The following COL1A1 variants were observed in gnomAD, a reference collection of about 807,000 sequenced individuals.
The protein encoded by COL1A1 is collagen alpha-1(I) chain.
In COL1A1, 21 loss-of-function variants were observed where a neutral mutation model predicts 195.7. The observed-to-expected ratio is 0.11, with a 90% CI of 0.08 to 0.15. The LOEUF (loss-of-function observed/expected upper bound fraction) is 0.15. Ranked by LOEUF, COL1A1 falls within the 10% of genes least tolerant of loss-of-function variation. The pLI, the probability that COL1A1 is intolerant of heterozygous loss-of-function variation, is 1.00. For synonymous variants in COL1A1, 749 were observed against 747.3 expected (o/e 1.00, Z -0.04); for missense variants, 1,365 against 2,051.0 (o/e 0.67, Z 6.46).
chr17:50,197,149 A>G (rs780807961), intron 10 of COL1A1, 31 bp downstream of exon 10: 7 of 1,614,034 alleles, frequency 4.3e-6, no homozygotes, highest in South Asian at 2.2e-5. Flanking sequence ...AGTGCAGTGA[A>G]GCCCAGGTTC....
chr17:50,187,454 C>T (rs747165531), intron 46 of COL1A1, 30 bp downstream of exon 46: 4 of 1,613,202 alleles, frequency 2.5e-6, no homozygotes, highest in Admixed American at 1.7e-5. Context: ...GCTTGGGGCT[C>T]AGGAAGAGGA....
In COL1A1 at chr17:50,197,938, A is replaced by G. The variant is rs376087528; in HGVS notation, c.642+11T>C. Reference sequence around the variant, plus strand: ...GTAGAAGGAGTATGAATCTGTATAGAGAGTGCTTACTGAAGCTCCAGGCTC... The same window carrying G: ...GTAGAAGGAGTATGAATCTGTATAGGGAGTGCTTACTGAAGCTCCAGGCTC... On this transcript the variant is annotated intron_variant, in intron 8 of 50. Coordinates refer to ENST00000225964, the MANE Select transcript of COL1A1 (RefSeq NM_000088.4). 331 of 1,613,762 alleles carry G rather than the reference A, an allele frequency of 2.1e-4. 3 individuals are homozygous for G. In the African/African-American group the frequency reaches 3.9e-3, roughly 19 times the overall value.
Position 50,192,360 on chromosome 17 carries a change from C to A in COL1A1, c.1983+115G>T, listed in dbSNP as rs984210230. ...CTCCCTTCATGGGAGGAAGTTCTTT[C>A]CGGCGTCTAACCTCAATCCCTCTAG... On this transcript the variant is annotated intron_variant, in intron 29 of 50. Coordinates refer to ENST00000225964, the MANE Select transcript of COL1A1 (RefSeq NM_000088.4). 4.6e-4 allele frequency: 559 copies of A among 1,227,494 alleles called. 1 individual carries two copies. The highest frequency in any genetic ancestry group is 6.9e-5 in the Non-Finnish European group (59 of 854,732). The allele number at this position is 1,227,494 out of a possible 1,614,324, so 76.0% of individuals were successfully genotyped here.
intron 1 of COL1A1, 125 bp downstream of exon 1, chr17:50,201,286 T>C: frequency 1.1e-6 from 1 of 915,286 alleles, no homozygotes; most frequent in South Asian, 1.4e-5. Context: ...GGAAGAGCCC[T>C]CATCATCTCC....
Position 50,194,934 on chromosome 17 carries a change from G to T in COL1A1, c.1354-106C>A. The T allele has an allele frequency of 6.8e-7, 1 of 1,473,738 alleles. No homozygotes were observed. The highest frequency in any genetic ancestry group is 9.4e-7 in the Non-Finnish European group (1 of 1,060,232). 91.3% of individuals were successfully genotyped at this position (1,473,738 alleles called of 1,614,324 possible). On this transcript the variant is annotated intron_variant, in intron 20 of 50. Transcript: ENST00000225964. The surrounding 1 kb of genome is among the most constrained non-coding windows in gnomAD (Gnocchi z 6.8). ...TCCAGTGTCAGGGGTTCCTGGGGGTGTGGCAGGGACTCCCCCAGAAGACTA... is the reference window on the plus strand; with the variant it reads ...TCCAGTGTCAGGGGTTCCTGGGGGTTTGGCAGGGACTCCCCCAGAAGACTA...
Position 50,189,358 on chromosome 17 carries a change from G to A in COL1A1, c.2829+19C>T, listed in dbSNP as rs1037648846. 1.2e-6 allele frequency: 2 copies of A among 1,613,878 alleles called. No individual in the cohort carries two copies. Among genetic ancestry groups the A allele is most frequent in the Middle Eastern group, 1.6e-4 (1 of 6,062 alleles). ...CTCTGCACACCTCCGGAGCTGCAGA[G>A]ATCTGAGCTGGCACTTACAGCAGGA... On this transcript the variant is annotated intron_variant, in intron 39 of 50. Coordinates refer to ENST00000225964, the MANE Select transcript of COL1A1 (RefSeq NM_000088.4). This position sits in a 1 kb window ranked among gnomAD's most constrained non-coding sequence, Gnocchi z 5.5.
Position 50,195,256 on chromosome 17 carries a change from G to A in COL1A1, c.1275C>T (p.Gly425=). The change falls in exon 19 of 51, where the codon GGC becomes GGT. Residue 425 remains glycine (G), a synonymous_variant. Transcript: ENST00000225964. This position sits in a 1 kb window ranked among gnomAD's most constrained non-coding sequence, Gnocchi z 4.3. Reference sequence around the variant, plus strand: ...CGCTGTTACCCTTGGGACCAGGAGGGCCGCCGGGGCCCTGGGGTCCAGAGG... The same window carrying A: ...CGCTGTTACCCTTGGGACCAGGAGGACCGCCGGGGCCCTGGGGTCCAGAGG... ...RGPSGPQGPG[G]PPGPKGNSGE... is the part of the protein sequence containing the mutation. 1.9e-6 allele frequency: 3 copies of A among 1,613,232 alleles called. No individual in the cohort carries two copies. Among genetic ancestry groups the A allele is most frequent in the Non-Finnish European group, 1.7e-6 (2 of 1,179,574 alleles).
intron 8 of COL1A1, 38 bp downstream of exon 8, chr17:50,197,911 T>C: frequency 6.2e-7 from 1 of 1,609,146 alleles, no homozygotes; most frequent in Non-Finnish European, 8.5e-7. Flanking sequence ...GTCTGTGTGT[T>C]TGTAGAAGGA....
In COL1A1 at chr17:50,189,260, G is replaced by A. The variant is rs1434279534; in HGVS notation, c.2845C>T (p.Pro949Ser). 4.3e-6 allele frequency: 7 copies of A among 1,614,016 alleles called. No homozygotes were observed. The highest frequency in any genetic ancestry group is 5.9e-6 in the Non-Finnish European group (7 of 1,179,986). Residue 949 changes from proline to serine, a missense_variant, in exon 40 of 51, where the codon CCC (proline) becomes TCC (serine). Pro to Ser is a moderately conservative substitution (Grantham distance 74, BLOSUM62 -1). This residue lies in a region of COL1A1 where 671 missense variants were observed against 1,099.9 expected (regional missense o/e 0.61). Coordinates refer to ENST00000225964, the MANE Select transcript of COL1A1 (RefSeq NM_000088.4). This position sits in a 1 kb window ranked among gnomAD's most constrained non-coding sequence, Gnocchi z 5.5. ...TGTCCAGCAATACCTTGAGGCCCGG[G>A]AGTACCAGGAGCACCCTTTGGGAGG... ...ADGPAGAPGT[P>S]GPQGIAGQRG...
At chr17:50,196,984 G>C (rs1263807423) in intron 11 of COL1A1, 26 bp downstream of exon 11, 1 of 1,613,466 alleles carries the variant, frequency 6.2e-7, no homozygotes, top group African/African-American at 1.3e-5. Flanking sequence ...GACTTGGGGA[G>C]CTTAAATGAC....
At chr17:50,200,164 C>T in intron 1 of COL1A1, 1 of 605,166 alleles carries the variant, frequency 1.7e-6, no homozygotes, top group Non-Finnish European at 2.9e-6. Flanking sequence ...TTCCAGTTCT[C>T]AGGAATTTAA....
In COL1A1 at chr17:50,186,641, A is replaced by T. The variant is rs1341583755; in HGVS notation, c.3813T>A (p.Ser1271Arg). 1.9e-6 allele frequency: 3 copies of T among 1,612,422 alleles called. No individual in the cohort carries two copies. The highest frequency in any genetic ancestry group is 1.3e-5 in the African/African-American group (1 of 74,526). Residue 1271 changes from serine to arginine, a missense_variant and splice_region_variant, in exon 48 of 51, where the codon AGT becomes AGA. Coordinates refer to ENST00000225964, the MANE Select transcript of COL1A1 (RefSeq NM_000088.4). This position sits in a 1 kb window ranked among gnomAD's most constrained non-coding sequence, Gnocchi z 5.3. ...GGAGAGGCTAGGGCAGGCCCTCACC[A>T]CTCTTCCAGTCAGAGTGGCACATCT... ...DLKMCHSDWK[S>R]GEYWIDPNQG...
Position 50,201,476 on chromosome 17 carries a change from A to G in COL1A1, c.38T>C (p.Leu13Ser). The change falls in exon 1 of 51, where the codon TTA (leucine) becomes TCA (serine). Residue 13 changes from leucine to serine, a missense_variant. Physicochemically the swap from Leu to Ser is moderately radical, Grantham distance 145. Coordinates refer to ENST00000225964, the MANE Select transcript of COL1A1 (RefSeq NM_000088.4). ...SFVDLRLLLL[L>S]AATALLTHGQ... ...GTGCGTCAGGAGGGCGGTGGCCGCT[A>G]AGAGGAGCAGGAGCCGGAGGTCCAC... The G allele has an allele frequency of 1.2e-6, 2 of 1,612,876 alleles. No individual in the cohort carries two copies. Among genetic ancestry groups the G allele is most frequent in the Non-Finnish European group, 1.7e-6 (2 of 1,180,014 alleles).
intron 5 of COL1A1, chr17:50,198,747 A>C (rs2144589736): frequency 1.8e-6 from 1 of 551,626 alleles, no homozygotes; most frequent in Non-Finnish European, 3.3e-6. Flanking sequence ...CTAAAGACAA[A>C]GAAAGTCTGA....
chr17:50,187,281 G>A lies in COL1A1; in HGVS notation c.3424-159C>T, dbSNP rs2277633. Among the ~76,000 whole-genome samples the A allele has an allele frequency of 6.0e-3, 919 of 152,310 alleles. 48 individuals carry two copies. The East Asian group carries it at 0.12, about 20-fold the overall frequency. On this transcript the variant is annotated intron_variant, in intron 46 of 50. Transcript: ENST00000225964. ...GGACATGCCATAGCTCCTCCCAGCC[G>A]CTGAGCCAGGGGAGGACGGATTGGG...
At position 50,188,099 on chromosome 17, in the gene COL1A1, G is replaced by T; in HGVS notation, c.3258C>A (p.Pro1086=). ...GPVGPVGARG[P]AGPQGPRGDK... The stretch of plus-strand genomic sequence containing the variant: ...GGGGACACAGCAGGGTACTTACGGC[G>T]GGGCCACGGGCGCCAACAGGGCCGA... The change falls in exon 44 of 51, where the codon CCC becomes CCA. Residue 1086 remains proline, a synonymous_variant. Coordinates refer to ENST00000225964, the MANE Select transcript of COL1A1 (RefSeq NM_000088.4). The surrounding 1 kb of genome is among the most constrained non-coding windows in gnomAD (Gnocchi z 5.6). 1 of 1,597,340 alleles carries T rather than the reference G, an allele frequency of 6.3e-7. No individual in the cohort carries two copies.
chr17:50,199,206 C>T lies in COL1A1; in HGVS notation c.471+20G>A. On this transcript the variant is annotated intron_variant, in intron 5 of 50. Coordinates refer to ENST00000225964, the MANE Select transcript of COL1A1 (RefSeq NM_000088.4). ...AAAACAAAACAGGGGAGAGTGGACA[C>T]ACAAGGCCTCTCCACTTACTCCTCC... The T allele has an allele frequency of 6.9e-7, 1 of 1,449,880 alleles. No homozygotes were observed. Among genetic ancestry groups the T allele is most frequent in the East Asian group, 2.5e-5 (1 of 39,982 alleles). 89.8% of individuals were successfully genotyped at this position (1,449,880 alleles called of 1,614,324 possible). A position where few individuals can be genotyped will look rare whatever the true frequency, so the allele number is the denominator to read the frequency against.
chr17:50,198,127 C>G (rs1907758273), intron 7 of COL1A1, 34 bp downstream of exon 7: 2 of 1,613,564 alleles, frequency 1.2e-6, no homozygotes, highest in South Asian at 2.2e-5. Context: ...GACCAAAGCC[C>G]AAGGAGGCAT....
Position 50,185,382 on chromosome 17 carries a change from A to G in COL1A1, c.*120T>C, listed in dbSNP as rs773014749. 160 of 1,109,894 alleles carry G rather than the reference A, an allele frequency of 1.4e-4. No individual in the cohort carries two copies. The highest frequency in any genetic ancestry group is 2.1e-4 in the African/African-American group (13 of 63,356). The allele number at this position is 1,109,894 out of a possible 1,614,324, so 68.8% of individuals were successfully genotyped here. A position where few individuals can be genotyped will look rare whatever the true frequency, so the allele number is the denominator to read the frequency against. On this transcript the variant is annotated 3_prime_UTR_variant, in exon 51 of 51. Transcript: ENST00000225964. The stretch of plus-strand genomic sequence containing the variant: ...AGGAAAAAAATATTTTCCAAAGTCC[A>G]TGTGAAATTGTCTCCCATTTTTTGG...
Sources: allele counts gnomAD v4.1 joint callset (sites outside exome capture counted in the v4.1 genomes callset), GRCh38; gene constraint gnomAD v4.1.1; regional missense constraint gnomAD v4.1.1; non-coding constraint Gnocchi (gnomAD v3.1); transcripts MANE v1.5; gene names NCBI Gene and HGNC (gene_info 2026-07-23, HGNC 2026-07-21).